Variants in TCERG1L observed in about 807,000 individuals in gnomAD.
TCERG1L encodes transcription elongation regulator 1-like protein.
TCERG1L carries 37 observed loss-of-function variants against 56.3 expected under a neutral mutation model. That is an observed-to-expected ratio of 0.66 (90% CI 0.51 to 0.87). The LOEUF (loss-of-function observed/expected upper bound fraction) is 0.87. Ranked by LOEUF, TCERG1L falls within the 40% of genes least tolerant of loss-of-function variation. The pLI is 0.00. For synonymous variants in TCERG1L, 324 were observed against 326.3 expected, an observed-to-expected ratio of 0.99 and a Z score of 0.08; for missense variants, 799 against 774.2, an observed-to-expected ratio of 1.03 and a Z score of -0.38.
intron 8 of TCERG1L, among the ~76,000 whole-genome samples, chr10:131,124,286 C>T (rs987962016): frequency 5.3e-5 from 8 of 152,130 alleles, no homozygotes; most frequent in African/African-American, 1.9e-4. Context: ...CAGCCGAGCT[C>T]CAGATTCTAC....
At chr10:131,252,759 G>A (rs776579789) in intron 4 of TCERG1L, among the ~76,000 whole-genome samples, 5 of 152,134 alleles carry the variant, frequency 3.3e-5, no homozygotes, top group Non-Finnish European at 7.3e-5. Flanking sequence ...GGCCTGTCCC[G>A]GGAAGCAGCT....
intron 4 of TCERG1L, among the ~76,000 whole-genome samples, chr10:131,218,887 C>G (rs926788617): frequency 6.6e-6 from 1 of 152,110 alleles, no homozygotes; most frequent in African/African-American, 2.4e-5. Context: ...CTGCTGTGAC[C>G]TCTCCTCCTC....
chr10:131,146,724 A>G (rs1845799793), intron 6 of TCERG1L, 64 bp from the exon 7 acceptor site: 1 of 1,525,820 alleles, frequency 6.6e-7, no homozygotes, highest in East Asian at 2.3e-5. Context: ...AGTCGTTAGC[A>G]TGAACTCTCA....
chr10:131,310,478 C>T (rs1194095741), intron 1 of TCERG1L, among the ~76,000 whole-genome samples: 1 of 152,188 alleles, frequency 6.6e-6, no homozygotes, highest in African/African-American at 2.4e-5. Context: ...ACATAACACC[C>T]GTTTGAATAT....
Position 131,156,904 on chromosome 10 carries a change from C to T in TCERG1L, c.1034+6218G>A, listed in dbSNP as rs1008386343. Among the ~76,000 whole-genome samples, 24 of 152,270 alleles carry T rather than the reference C, an allele frequency of 1.6e-4. 1 individual carries two copies. In the East Asian group the frequency reaches 4.1e-3, roughly 26 times the overall value. On this transcript the variant is annotated intron_variant, in intron 6 of 11. Coordinates refer to ENST00000368642, the MANE Select transcript of TCERG1L (RefSeq NM_174937.4). ...GCCGATGCCCCTGGCCGAATAAACC[C>T]CTTCCTTTTTTAACTCGGTGTGTTG...
At chr10:131,237,871 A>G (rs1199422132) in intron 4 of TCERG1L, among the ~76,000 whole-genome samples, 1 of 152,134 alleles carries the variant, frequency 6.6e-6, no homozygotes, top group Non-Finnish European at 1.5e-5. Context: ...ATTGACTGAG[A>G]GTTGGCGGGC....
At chr10:131,132,881 G>T (rs995016173) in intron 8 of TCERG1L, among the ~76,000 whole-genome samples, 2 of 152,222 alleles carry the variant, frequency 1.3e-5, no homozygotes, top group South Asian at 4.1e-4. Flanking sequence ...CCTCTGCCCT[G>T]CCACGTGCGG....
chr10:131,146,756 G>A (rs536727874), intron 6 of TCERG1L, 96 bp from the exon 7 acceptor site: 26 of 1,385,880 alleles, frequency 1.9e-5, no homozygotes, highest in Middle Eastern at 1.9e-4. Flanking sequence ...CCTCAGGACC[G>A]AAATCCACAC....
At chr10:131,253,068 G>A (rs959528717) in intron 4 of TCERG1L, among the ~76,000 whole-genome samples, 15 of 152,210 alleles carry the variant, frequency 9.9e-5, no homozygotes, top group Non-Finnish European at 1.9e-4. Context: ...TGTCCCTGAG[G>A]GTCCTCAGCA....
At chr10:131,156,223 T>G (rs565929840) in intron 6 of TCERG1L, 1 of 152,358 alleles carries the variant, frequency 6.6e-6, no homozygotes, top group Non-Finnish European at 1.5e-5. Flanking sequence ...TTTAGAAAAG[T>G]TCTACCAACT....
At chr10:131,208,877 A>G (rs895690328) in intron 4 of TCERG1L, among the ~76,000 whole-genome samples, 37 of 152,190 alleles carry the variant, frequency 2.4e-4, no homozygotes, top group Non-Finnish European at 3.2e-4. Context: ...CTAACATGGT[A>G]AAACCGCGTC....
intron 4 of TCERG1L, among the ~76,000 whole-genome samples, chr10:131,249,273 C>T (rs1379578038): frequency 6.6e-6 from 1 of 152,240 alleles, no homozygotes; most frequent in East Asian, 1.9e-4. Context: ...GAGGCAATAT[C>T]ACTGTTGAAG....
At chr10:131,308,516 C>G in intron 2 of TCERG1L, 125 bp from the exon 3 acceptor site, 2 of 762,822 alleles carry the variant, frequency 2.6e-6, no homozygotes, top group Non-Finnish European at 4.1e-6. Context: ...ATTGGGGACT[C>G]TATAAAACCA....
intron 3 of TCERG1L, among the ~76,000 whole-genome samples, chr10:131,290,389 T>C (rs1019392985): frequency 6.6e-6 from 1 of 152,168 alleles, no homozygotes; most frequent in Non-Finnish European, 1.5e-5. Context: ...CCCAGCACTT[T>C]AGGAGGCTGA....
At chr10:131,185,504 T>C (rs1845226908) in intron 4 of TCERG1L, among the ~76,000 whole-genome samples, 1 of 152,166 alleles carries the variant, frequency 6.6e-6, no homozygotes, top group African/African-American at 2.4e-5. Context: ...CCTGGTCTGG[T>C]ATCCAGAATA....
intron 3 of TCERG1L, among the ~76,000 whole-genome samples, chr10:131,294,894 G>A (rs896219763): frequency 6.6e-6 from 1 of 150,850 alleles, no homozygotes; most frequent in Admixed American, 6.6e-5. Context: ...ACAGTCCTCT[G>A]CTTTTAATAA....
At chr10:131,130,024 C>T (rs973290739) in intron 8 of TCERG1L, among the ~76,000 whole-genome samples, 8 of 151,842 alleles carry the variant, frequency 5.3e-5, no homozygotes, top group African/African-American at 1.5e-4. Context: ...CCACAAGTCC[C>T]CTCCCCTGAC....
chr10:131,256,905 G>T (rs909292147), intron 4 of TCERG1L, among the ~76,000 whole-genome samples: 43 of 144,316 alleles, frequency 3.0e-4, no homozygotes, highest in African/African-American at 1.1e-3. Context: ...AAGAGAGAAA[G>T]ACAAAGAAGG....
intron 8 of TCERG1L, among the ~76,000 whole-genome samples, chr10:131,121,999 CA>C (rs1470013746): frequency 5.9e-5 from 9 of 152,218 alleles, no homozygotes; most frequent in Non-Finnish European, 1.3e-4. Context: ...TTTGTTTTAT[CA>C]TAAATGATGT....
Sources: allele counts gnomAD v4.1 joint callset (sites outside exome capture counted in the v4.1 genomes callset), GRCh38; gene constraint gnomAD v4.1.1; transcripts MANE v1.5; gene names NCBI Gene and HGNC (gene_info 2026-07-23, HGNC 2026-07-21).